Variants in NRG1 observed in about 807,000 individuals in gnomAD.
NRG1 encodes the protein pro-neuregulin-1, membrane-bound isoform.
A neutral mutation model predicts 63.8 loss-of-function variants in NRG1; 18 were observed. The observed-to-expected ratio is 0.28, with a 90% CI of 0.19 to 0.42. The LOEUF is 0.42. Ranked by LOEUF, NRG1 falls within the 10% of genes least tolerant of loss-of-function variation. The pLI, the probability that NRG1 is intolerant of heterozygous loss-of-function variation, is 1.00. For missense variants in NRG1, 762 were observed against 814.7 expected (o/e 0.94, Z 0.79); for synonymous variants, 302 against 301.3 (o/e 1.00, Z -0.02).
chr8:32,265,390 C>T (rs913997426), intron 1 of NRG1, among the ~76,000 whole-genome samples: 1 of 151,922 alleles, frequency 6.6e-6, no homozygotes, highest in Non-Finnish European at 1.5e-5. Context: ...ACTGACTAGT[C>T]TGTGTGATAT....
intron 1 of NRG1, among the ~76,000 whole-genome samples, chr8:32,172,705 G>A (rs1217690609): frequency 6.6e-6 from 1 of 152,212 alleles, no homozygotes; most frequent in Non-Finnish European, 1.5e-5. Context: ...ACAAGCCTCA[G>A]TAGCTGATTT....
At chr8:32,423,697 T>A (rs749936177) in intron 1 of NRG1, among the ~76,000 whole-genome samples, 1 of 152,120 alleles carries the variant, frequency 6.6e-6, no homozygotes, top group Non-Finnish European at 1.5e-5. Flanking sequence ...CTCTTCTACC[T>A]GTGCCAGAGA....
intron 1 of NRG1, among the ~76,000 whole-genome samples, chr8:31,814,678 T>C (rs1369806839): frequency 6.7e-6 from 1 of 149,464 alleles, no homozygotes; most frequent in Non-Finnish European, 1.5e-5. Flanking sequence ...TAATTTAAAA[T>C]TAAATATTAA....
intron 1 of NRG1, among the ~76,000 whole-genome samples, chr8:32,021,178 G>T (rs1253059866): frequency 1.3e-5 from 2 of 152,104 alleles, no homozygotes; most frequent in African/African-American, 4.8e-5. Flanking sequence ...GCCTTAGTCT[G>T]TTTGGTATTG....
In NRG1 at chr8:32,168,457, A is replaced by C. The variant is rs1839639871; in HGVS notation, c.38-427371A>C. Among the ~76,000 whole-genome samples, 6 of 152,188 alleles carry C rather than the reference A, an allele frequency of 3.9e-5. 1 individual carries two copies. The South Asian group carries it at 1.2e-3, about 31-fold the overall frequency. ...AAGTATTATCAGGGGATTTACTTGAAATTAAATTAGTCCCATTCTTGTGGA... is the reference window on the plus strand; with the variant it reads ...AAGTATTATCAGGGGATTTACTTGACATTAAATTAGTCCCATTCTTGTGGA... On this transcript the variant is annotated intron_variant, in intron 1 of 10. Transcript: ENST00000519301.
chr8:32,163,697 C>T (rs1416391686), intron 1 of NRG1, among the ~76,000 whole-genome samples: 1 of 152,132 alleles, frequency 6.6e-6, no homozygotes, highest in Non-Finnish European at 1.5e-5. Context: ...ACTACTCCTT[C>T]TTAATTTACT....
chr8:31,663,976 T>C (rs1302333593), intron 1 of NRG1, among the ~76,000 whole-genome samples: 2 of 152,180 alleles, frequency 1.3e-5, no homozygotes, highest in African/African-American at 4.8e-5. Context: ...GTTCTTCTTT[T>C]CTTTTTTTTT....
chr8:32,490,721 T>A (rs1163851377), intron 1 of NRG1, among the ~76,000 whole-genome samples: 1 of 152,166 alleles, frequency 6.6e-6, no homozygotes, highest in Non-Finnish European at 1.5e-5. Flanking sequence ...ACCCTTTTTG[T>A]GTTCAAGTTT....
At chr8:32,646,911 AAGAG>A in intron 5 of NRG1, 6 of 984,746 alleles carry the variant, frequency 6.1e-6, no homozygotes, top group Non-Finnish European at 7.2e-6. Context: ...AGGGGGAGGA[AAGAG>A]AGAGAGGAGA....
At chr8:32,094,007 T>TG (rs1829554140) in intron 1 of NRG1, among the ~76,000 whole-genome samples, 1 of 152,182 alleles carries the variant, frequency 6.6e-6, no homozygotes. Flanking sequence ...TTCCTGAGGA[T>TG]GTCTGCAGCA....
At chr8:31,980,132 T>C (rs1252486749) in intron 1 of NRG1, among the ~76,000 whole-genome samples, 2 of 152,214 alleles carry the variant, frequency 1.3e-5, no homozygotes, top group East Asian at 1.9e-4. Context: ...GTTCAGGATT[T>C]GAACCTACAT....
At chr8:32,731,497 T>G (rs1823655225) in intron 6 of NRG1, among the ~76,000 whole-genome samples, 1 of 152,178 alleles carries the variant, frequency 6.6e-6, no homozygotes, top group Non-Finnish European at 1.5e-5. Context: ...CATCTATGAT[T>G]TTGATAACTT....
rs1428826452 is a variant in NRG1, at chr8:32,193,548, G to A, written c.38-402280G>A. ...CGAGGGCTTGTATTCAGAAAAGCAC[G>A]TTAAACCATCGTCAGCAGCATGTGA... On this transcript the variant is annotated intron_variant, in intron 1 of 10. Coordinates refer to the NRG1 transcript ENST00000519301. 2.0e-5 allele frequency among the ~76,000 whole-genome samples: 3 copies of A among 152,104 alleles called. 1 individual carries two copies. Among genetic ancestry groups the A allele is most frequent in the South Asian group, 2.1e-4 (1 of 4,822 alleles).
At chr8:31,989,939 C>A (rs1251564690) in intron 1 of NRG1, among the ~76,000 whole-genome samples, 1 of 152,102 alleles carries the variant, frequency 6.6e-6, no homozygotes, top group African/African-American at 2.4e-5. Flanking sequence ...CAAGCAATTT[C>A]TCATAAATTC....
intron 1 of NRG1, among the ~76,000 whole-genome samples, chr8:32,455,472 T>C (rs1192145544): frequency 1.3e-5 from 2 of 152,208 alleles, no homozygotes; most frequent in African/African-American, 4.8e-5. Context: ...GTTCTGTGAA[T>C]TTCATCACAG....
At chr8:32,069,372 G>A (rs1248905448) in intron 1 of NRG1, among the ~76,000 whole-genome samples, 2 of 152,168 alleles carry the variant, frequency 1.3e-5, no homozygotes, top group Admixed American at 6.5e-5. Context: ...TTATGATGAA[G>A]TATAATAGTA....
chr8:32,273,221 T>G (rs1851730133), intron 1 of NRG1, among the ~76,000 whole-genome samples: 1 of 152,180 alleles, frequency 6.6e-6, no homozygotes, highest in Admixed American at 6.6e-5. Context: ...TTTAGGTTTG[T>G]TTTTCTTTCT....
In NRG1 at chr8:32,255,041, C is replaced by A. The variant is rs192912968; in HGVS notation, c.38-340787C>A. Among the ~76,000 whole-genome samples, 26 of 152,214 alleles carry A rather than the reference C, an allele frequency of 1.7e-4. No individual in the cohort carries two copies. In the East Asian group the frequency reaches 4.8e-3, roughly 28 times the overall value. On this transcript the variant is annotated intron_variant, in intron 1 of 10. Coordinates refer to the NRG1 transcript ENST00000519301. ...CTCTGCTTTTTCTTGCTTTCCATAT[C>A]TTGGTAAATATTCCTCCATCCCTTT... is the stretch of plus-strand genomic sequence containing the variant.
chr8:31,768,717 G>GT (rs925744659), intron 1 of NRG1, among the ~76,000 whole-genome samples: 1 of 152,164 alleles, frequency 6.6e-6, no homozygotes, highest in Non-Finnish European at 1.5e-5. Context: ...CCTAAGTACA[G>GT]TTTCTCCTTC....
Sources: gnomAD v4.1 joint callset for allele counts (sites outside exome capture counted in the v4.1 genomes callset) on GRCh38, gnomAD v4.1.1 for gene constraint, MANE v1.5 for transcripts, NCBI Gene and HGNC (gene_info 2026-07-23, HGNC 2026-07-21) for gene names.